The following DTHD1 variants were observed in gnomAD, a reference collection of about 807,000 sequenced individuals.
DTHD1 encodes the protein death domain containing 1.
Under a neutral mutation model 74.8 loss-of-function variants are expected in DTHD1, and 59 were observed. That is an observed-to-expected ratio of 0.79 (90% confidence interval 0.64 to 0.98). The LOEUF (loss-of-function observed/expected upper bound fraction) is 0.98, where lower values mean the gene tolerates loss of function less well. DTHD1 is among the 50% of genes least tolerant of loss of function. The probability of loss-of-function intolerance (pLI) is 0.00; values close to 1 mark genes in which losing one functional copy is unlikely to be tolerated. For missense variants in DTHD1, 1,051 were observed against 1,065.4 expected, an observed-to-expected ratio of 0.99 and a Z score of 0.19; for synonymous variants, 365 against 371.1, an observed-to-expected ratio of 0.98 and a Z score of 0.19.
chr4:36,284,096 C>T lies in DTHD1; in HGVS notation c.392C>T (p.Thr131Ile), dbSNP rs931094405. 3.3e-6 allele frequency: 5 copies of T among 1,537,192 alleles called. No individual in the cohort carries two copies. The highest frequency in any genetic ancestry group is 1.2e-5 in the South Asian group (1 of 84,050). Residue 131 changes from threonine (T) to isoleucine (I), a missense_variant, in exon 2 of 10, where the codon ACT (threonine) becomes ATT (isoleucine). Coordinates refer to ENST00000639862, the MANE Select transcript of DTHD1 (RefSeq NM_001170700.3). ...TTATGCGGCATGCATGATGAATGTA[C>T]TCCACAGCAGACAATGTCCTCCATT... Reference protein sequence around the residue: ...CNLCGMHDECTPQQTMSSIQD... With the variant: ...CNLCGMHDECIPQQTMSSIQD...
intron 5 of DTHD1, among the ~76,000 whole-genome samples, chr4:36,305,089 A>G (rs1445508009): frequency 6.6e-6 from 1 of 152,234 alleles, no homozygotes. Flanking sequence ...AGGCTACACA[A>G]GAAGGAAAAT....
chr4:36,297,421 G>T (rs1756496325), intron 5 of DTHD1, among the ~76,000 whole-genome samples: 1 of 151,790 alleles, frequency 6.6e-6, no homozygotes, highest in African/African-American at 2.4e-5. Context: ...CTGTTCTATG[G>T]CTCTTGCCCT....
chr4:36,317,567 CT>C (rs1416385745), intron 8 of DTHD1, among the ~76,000 whole-genome samples: 1 of 152,108 alleles, frequency 6.6e-6, no homozygotes, highest in Admixed American at 6.5e-5. Context: ...TTAACTTCCT[CT>C]TTTATTTTTT....
chr4:36,330,067 A>G (rs1758578358), intron 8 of DTHD1, among the ~76,000 whole-genome samples: 1 of 152,208 alleles, frequency 6.6e-6, no homozygotes, highest in South Asian at 2.1e-4. Context: ...TGATACCCTA[A>G]TTTCAGATAC....
In DTHD1 at chr4:36,290,492, T is replaced by C. The variant is rs1393697366; in HGVS notation, c.1007T>C (p.Val336Ala). ...ATAAATCACATGAGTTCTTTAATAG[T>C]GGGTGATAATGAAGAGTTAGTTAGC... is the stretch of plus-strand genomic sequence containing the variant. Reference protein sequence around the residue: ...RIINHMSSLIVGDNEELVSNV... With the variant: ...RIINHMSSLIAGDNEELVSNV... Residue 336 changes from valine (V) to alanine (A), a missense_variant, in exon 3 of 10, where the codon GTG becomes GCG. Transcript: ENST00000639862. 5 of 1,551,648 alleles carry C rather than the reference T, an allele frequency of 3.2e-6. No homozygotes were observed. Among genetic ancestry groups the C allele is most frequent in the East Asian group, 2.4e-5 (1 of 40,904 alleles).
In DTHD1 at chr4:36,290,553, G is replaced by T; in HGVS notation, c.1068G>T (p.Lys356Asn). ...VITIECSDKEKRVPFPIGIAI... is the reference protein window; with the variant it reads ...VITIECSDKENRVPFPIGIAI... ...CTATTGAATGCTCAGATAAGGAAAAGAGAGTTCCATTTCCAATAGGCATTG... is the reference window on the plus strand; with the variant it reads ...CTATTGAATGCTCAGATAAGGAAAATAGAGTTCCATTTCCAATAGGCATTG... Residue 356 changes from lysine to asparagine, a missense_variant, in exon 3 of 10, where the codon AAG becomes AAT. Transcript: ENST00000639862. 6.4e-7 allele frequency: 1 copy of T among 1,551,630 alleles called. No individual in the cohort carries two copies. The highest frequency in any genetic ancestry group is 1.2e-5 in the South Asian group (1 of 84,058).
Position 36,339,135 on chromosome 4 carries a change from AC to A in DTHD1, c.2365del (p.Gln789ArgfsTer11). 6.5e-7 allele frequency: 1 copy of A among 1,548,290 alleles called. No individual in the cohort carries two copies. Among genetic ancestry groups the A allele is most frequent in the Non-Finnish European group, 8.7e-7 (1 of 1,144,430 alleles). ...PKHKKLINRP[Q>X]STKRVSKDPV... Reference sequence around the variant, plus strand: ...AGCATAAGAAATTAATCAACCGTCCACAGAGTACCAAAAGAGTTTCTAAGGA... The same window carrying A: ...AGCATAAGAAATTAATCAACCGTCCAAGAGTACCAAAAGAGTTTCTAAGGA... On this transcript the variant is annotated frameshift_variant, in exon 9 of 10. Coordinates refer to ENST00000639862, the MANE Select transcript of DTHD1 (RefSeq NM_001170700.3). LOFTEE classifies it high-confidence loss of function.
At chr4:36,319,062 A>G (rs533627544) in intron 8 of DTHD1, among the ~76,000 whole-genome samples, 12 of 152,160 alleles carry the variant, frequency 7.9e-5, no homozygotes, top group Admixed American at 1.3e-4. Context: ...TTATTCCCTT[A>G]TCTTCTAATC....
At chr4:36,300,033 C>A (rs1001233281) in intron 5 of DTHD1, among the ~76,000 whole-genome samples, 6 of 152,032 alleles carry the variant, frequency 3.9e-5, no homozygotes, top group African/African-American at 1.2e-4. Context: ...TTCTTCCTGC[C>A]TTCTTATTTT....
At chr4:36,341,923 G>C (rs556168386) in intron 9 of DTHD1, among the ~76,000 whole-genome samples, 3 of 152,304 alleles carry the variant, frequency 2.0e-5, no homozygotes, top group African/African-American at 7.2e-5. Context: ...AGAGGCCATG[G>C]AATATGTTTA....
chr4:36,343,196 G>A (rs1376474496), intron 9 of DTHD1, among the ~76,000 whole-genome samples: 1 of 152,140 alleles, frequency 6.6e-6, no homozygotes, highest in Non-Finnish European at 1.5e-5. Context: ...CCCTAGTTTT[G>A]CTCAATTAGA....
chr4:36,324,937 T>C (rs2109541921), intron 8 of DTHD1, among the ~76,000 whole-genome samples: 1 of 152,060 alleles, frequency 6.6e-6, no homozygotes, highest in South Asian at 2.1e-4. Flanking sequence ...GCAGAGAATG[T>C]TTAGGGTCTG....
At chr4:36,303,546 A>G (rs1008728330) in intron 5 of DTHD1, among the ~76,000 whole-genome samples, 12 of 152,172 alleles carry the variant, frequency 7.9e-5, no homozygotes, top group Non-Finnish European at 5.9e-5. Context: ...CCATTCTCTG[A>G]CATGCTTGTT....
chr4:36,334,358 G>GTTT (rs34455692), intron 8 of DTHD1, among the ~76,000 whole-genome samples: 2 of 138,906 alleles, frequency 1.4e-5, no homozygotes, highest in Non-Finnish European at 3.1e-5. Flanking sequence ...ATTTTTTTTG[G>GTTT]TTTTTTTTTT....
chr4:36,317,546 A>G (rs559955054), intron 8 of DTHD1, among the ~76,000 whole-genome samples: 2,005 of 152,350 alleles, frequency 0.013, 31 homozygotes, highest in African/African-American at 0.044. Context: ...GTTATATAAA[A>G]TATATAAAAA....
chr4:36,342,158 A>G (rs1052933707), intron 9 of DTHD1, among the ~76,000 whole-genome samples: 1 of 152,202 alleles, frequency 6.6e-6, no homozygotes, highest in African/African-American at 2.4e-5. Flanking sequence ...GATGACGTGG[A>G]TGGGACGAGA....
chr4:36,329,446 G>A (rs1225396693), intron 8 of DTHD1, among the ~76,000 whole-genome samples: 1 of 152,198 alleles, frequency 6.6e-6, no homozygotes, highest in African/African-American at 2.4e-5. Flanking sequence ...GATGACAGCC[G>A]TTCCTTGAGC....
At chr4:36,326,764 T>A (rs1368250081) in intron 8 of DTHD1, among the ~76,000 whole-genome samples, 2 of 152,190 alleles carry the variant, frequency 1.3e-5, no homozygotes, top group Non-Finnish European at 2.9e-5. Flanking sequence ...CATCTAGCAG[T>A]TGCATTTAGC....
chr4:36,316,866 A>C (rs957684823), intron 8 of DTHD1, among the ~76,000 whole-genome samples: 2 of 152,196 alleles, frequency 1.3e-5, no homozygotes, highest in African/African-American at 4.8e-5. Context: ...TGACCTCAAA[A>C]TATTTATACT....
Sources: gnomAD v4.1 joint callset for allele counts (sites outside exome capture counted in the v4.1 genomes callset) on GRCh38, gnomAD v4.1.1 for gene constraint, MANE v1.5 for transcripts, NCBI Gene and HGNC (gene_info 2026-07-23, HGNC 2026-07-21) for gene names.